Variants in KYAT1 observed in about 807,000 individuals in gnomAD.
The protein encoded by KYAT1 is kynurenine--oxoglutarate transaminase 1.
In KYAT1, 47 loss-of-function variants were observed where a neutral mutation model predicts 52.4. That is an observed-to-expected ratio of 0.90 (90% CI 0.71 to 1.14). KYAT1 has a LOEUF of 1.14. Ranked by LOEUF, KYAT1 falls within the 50% of genes most tolerant of loss-of-function variation. KYAT1 has a pLI of 0.00. For missense variants in KYAT1, 480 were observed against 557.9 expected (o/e 0.86, Z 1.41); for synonymous variants, 212 against 209.6 (o/e 1.01, Z -0.10).
At chr9:128,881,977 G>A (rs1238541469), upstream of KYAT1, 1 of 152,278 alleles carries the variant, frequency 6.6e-6, no homozygotes, top group Non-Finnish European at 1.5e-5. Flanking sequence ...AGGGGGCCGA[G>A]CCCGGCTCCG....
chr9:128,869,230 C>T (rs1030888161), intron 1 of KYAT1, among the ~76,000 whole-genome samples: 1 of 151,424 alleles, frequency 6.6e-6, no homozygotes, highest in Non-Finnish European at 1.5e-5. Context: ...GGCACAATCT[C>T]GGCTCACTGC....
At chr9:128,875,779 C>T (rs1837928113) in intron 1 of KYAT1, among the ~76,000 whole-genome samples, 2 of 152,164 alleles carry the variant, frequency 1.3e-5, no homozygotes, top group South Asian at 2.1e-4. Flanking sequence ...TCTGAGGCCT[C>T]CCTGCTGCCA....
intron 3 of KYAT1, among the ~76,000 whole-genome samples, chr9:128,839,487 G>T (rs958750024): frequency 7.9e-5 from 12 of 152,082 alleles, no homozygotes; most frequent in African/African-American, 2.9e-4. Flanking sequence ...AGCTGGCATG[G>T]TGGCGGGCAC....
At chr9:128,873,571 A>C (rs1270904065) in intron 1 of KYAT1, among the ~76,000 whole-genome samples, 4 of 151,960 alleles carry the variant, frequency 2.6e-5, no homozygotes, top group African/African-American at 7.3e-5. Context: ...CAGGAGTTTG[A>C]GACCAGGCTG....
At chr9:128,880,276 T>G (rs1838623943) in intron 1 of KYAT1, among the ~76,000 whole-genome samples, 1 of 152,014 alleles carries the variant, frequency 6.6e-6, no homozygotes, top group Admixed American at 6.6e-5. Context: ...ACACCACACA[T>G]CATGTCAATA....
At chr9:128,857,488 C>T (rs1166917999) in intron 1 of KYAT1, among the ~76,000 whole-genome samples, 2 of 152,290 alleles carry the variant, frequency 1.3e-5, no homozygotes, top group South Asian at 2.1e-4. Flanking sequence ...AAATTACATG[C>T]GTGAGCCATG....
At position 128,849,354 on chromosome 9, in the gene KYAT1, T is replaced by G. The variant is rs539535870; in HGVS notation, c.-6-3943A>C. Among the ~76,000 whole-genome samples, 9 of 127,112 alleles carry G rather than the reference T, an allele frequency of 7.1e-5. No individual in the cohort carries two copies. The East Asian group carries it at 2.1e-3, about 30-fold the overall frequency. 83.4% of individuals were successfully genotyped at this position (127,112 alleles called of 152,430 possible). ...GGAACCCAGGAGGCGGAGGTTGCAG[T>G]GAGCCGAGATCACACCACTGCACTC... On this transcript the variant is annotated intron_variant, in intron 1 of 12. Coordinates refer to ENST00000302586, the MANE Select transcript of KYAT1 (RefSeq NM_004059.5).
chr9:128,842,837 C>A (rs772771773), intron 2 of KYAT1, 36 bp from the exon 3 acceptor site: 1 of 1,596,782 alleles, frequency 6.3e-7, no homozygotes, highest in Admixed American at 1.7e-5. Context: ...CCAGCCCAGC[C>A]CTCCATGGTG....
Position 128,838,275 on chromosome 9 carries a change from A to G in KYAT1, c.294T>C (p.Val98=), listed in dbSNP as rs1031335751. 8 of 1,614,190 alleles carry G rather than the reference A, an allele frequency of 5.0e-6. No homozygotes were observed. The Admixed American group carries it at 5.0e-5, about 10-fold the overall frequency. ...CTGTGAACAGGGCCCCATAGCCACC[A>G]ACAGTCACCAGCACATTCCTGAGCG... ...IDPLRNVLVT[V]GGYGALFTAF... Residue 98 remains valine, a synonymous_variant, in exon 4 of 13, where the codon GTT becomes GTC. Transcript: ENST00000302586.
intron 1 of KYAT1, among the ~76,000 whole-genome samples, chr9:128,871,282 T>C (rs1837194109): frequency 1.3e-5 from 2 of 151,958 alleles, no homozygotes; most frequent in African/African-American, 4.8e-5. Context: ...TGTGCCACTG[T>C]ACTCCAGCTT....
At chr9:128,839,612 G>A (rs548626889) in intron 3 of KYAT1, among the ~76,000 whole-genome samples, 6 of 152,166 alleles carry the variant, frequency 3.9e-5, no homozygotes, top group East Asian at 1.9e-4. Flanking sequence ...GCGACAGAGC[G>A]AGACTCCGTC....
Position 128,838,360 on chromosome 9 carries a change from G to A in KYAT1, c.209C>T (p.Pro70Leu). 6.2e-7 allele frequency: 1 copy of A among 1,614,096 alleles called. No homozygotes were observed. Among genetic ancestry groups the A allele is most frequent in the South Asian group, 1.1e-5 (1 of 91,084 alleles). ...LNQYTKTFGY[P>L]PLTKILASFF... ...ACTTGCCAGGATCTTCGTCAGTGGT[G>A]GGTAACCCTGCCAGGACAGCAGGGG... The change falls in exon 4 of 13, where the codon CCA becomes CTA. Residue 70 changes from proline (P) to leucine (L), a missense_variant. By Grantham distance (98) the Pro-to-Leu change is moderately conservative. Coordinates refer to ENST00000302586, the MANE Select transcript of KYAT1 (RefSeq NM_004059.5).
chr9:128,858,993 C>CAAA (rs61541653), intron 1 of KYAT1, among the ~76,000 whole-genome samples: 1 of 75,512 alleles, frequency 1.3e-5, no homozygotes, highest in African/African-American at 4.4e-5. Flanking sequence ...GACTCCATCT[C>CAAA]AAAAAAAAAA....
rs200342115 is a variant in KYAT1, at chr9:128,838,300, G to A, written c.269C>T (p.Pro90Leu). Residue 90 changes from proline (P) to leucine (L), a missense_variant, in exon 4 of 13, where the codon CCG (proline) becomes CTG (leucine). Transcript: ENST00000302586. ...FGELLGQEID[P>L]LRNVLVTVGG... The stretch of plus-strand genomic sequence containing the variant: ...AACAGTCACCAGCACATTCCTGAGC[G>A]GGTCTATCTCCTGACCCAGCAGCTC... The A allele has an allele frequency of 1.4e-4, 227 of 1,614,126 alleles. No homozygotes were observed. The African/African-American group carries it at 1.6e-3, about 11-fold the overall frequency.
In KYAT1 at chr9:128,835,311, G is replaced by C. The variant is rs770082140; in HGVS notation, c.1122+12C>G. Reference sequence around the variant, plus strand: ...AAACCATACATGGCTGCCTGGCAGAGGCCCAGCCCACCTTGTTCTTGATCA... The same window carrying C: ...AAACCATACATGGCTGCCTGGCAGACGCCCAGCCCACCTTGTTCTTGATCA... On this transcript the variant is annotated intron_variant, in intron 11 of 12. Coordinates refer to ENST00000302586, the MANE Select transcript of KYAT1 (RefSeq NM_004059.5). The C allele has an allele frequency of 6.2e-6, 10 of 1,611,150 alleles. No homozygotes were observed. Among genetic ancestry groups the C allele is most frequent in the Non-Finnish European group, 3.4e-6 (4 of 1,177,726 alleles).
intron 1 of KYAT1, among the ~76,000 whole-genome samples, chr9:128,878,632 C>T (rs1838357678): frequency 6.6e-6 from 1 of 152,170 alleles, no homozygotes; most frequent in Non-Finnish European, 1.5e-5. Flanking sequence ...GGAGATCTAA[C>T]AATTGCGTCA....
chr9:128,838,368 C>A lies in KYAT1; in HGVS notation c.202-1G>T. ...GGATCTTCGTCAGTGGTGGGTAACC[C>A]TGCCAGGACAGCAGGGGTTAACTGT... On this transcript the variant is annotated splice_acceptor_variant, in intron 3 of 12. Coordinates refer to ENST00000302586, the MANE Select transcript of KYAT1 (RefSeq NM_004059.5). LOFTEE classifies it high-confidence loss of function. 6.2e-7 allele frequency: 1 copy of A among 1,614,134 alleles called. No homozygotes were observed. Among genetic ancestry groups the A allele is most frequent in the South Asian group, 1.1e-5 (1 of 91,090 alleles).
intron 2 of KYAT1, among the ~76,000 whole-genome samples, chr9:128,844,046 G>C (rs897577172): frequency 2.6e-5 from 4 of 152,104 alleles, no homozygotes; most frequent in Admixed American, 1.3e-4. Context: ...CCTACTCTGG[G>C]CAGAACAGGG....
rs769736182 is a variant in KYAT1 at position 128,835,340 on chromosome 9, A to T, written c.1105T>A (p.Trp369Arg). 2.5e-6 allele frequency: 4 copies of T among 1,613,632 alleles called. No individual in the cohort carries two copies. Among genetic ancestry groups the T allele is most frequent in the Non-Finnish European group, 3.4e-6 (4 of 1,179,824 alleles). ...CAGCCCACCTTGTTCTTGATCATCC[A>T]CTTGACGAAGCGTCTGTCATAGGGC... ...DEPYDRRFVKWMIKNKGLVAI... is the reference protein window; with the variant it reads ...DEPYDRRFVKRMIKNKGLVAI... The change falls in exon 11 of 13, where the codon TGG (tryptophan) becomes AGG (arginine). Residue 369 changes from tryptophan (W) to arginine (R), a missense_variant. Physicochemically the swap from Trp to Arg is moderately radical, Grantham distance 101. Coordinates refer to ENST00000302586, the MANE Select transcript of KYAT1 (RefSeq NM_004059.5).
Sources: gnomAD v4.1 joint callset for allele counts (sites outside exome capture counted in the v4.1 genomes callset) on GRCh38, gnomAD v4.1.1 for gene constraint, MANE v1.5 for transcripts, NCBI Gene and HGNC (gene_info 2026-07-23, HGNC 2026-07-21) for gene names.